Variants in PLA2G4B observed in about 807,000 individuals in gnomAD.
PLA2G4B encodes the protein phospholipase A2 group IVB.
In PLA2G4B, 122 loss-of-function variants were observed where a neutral mutation model predicts 95.8. The ratio of observed to expected loss-of-function variants is 1.27; its 90% confidence interval spans 1.10 to 1.48. The LOEUF (loss-of-function observed/expected upper bound fraction) is 1.48, where lower values mean the gene tolerates loss of function less well. PLA2G4B is among the 40% of genes most tolerant of loss of function. The pLI, the probability that PLA2G4B is intolerant of heterozygous loss-of-function variation, is 0.00. For missense variants in PLA2G4B, 1,158 were observed against 996.2 expected, an observed-to-expected ratio of 1.16 and a Z score of -2.19; for synonymous variants, 518 against 421.5, an observed-to-expected ratio of 1.23 and a Z score of -2.80.
chr15:41,845,907 G>A, intron 15 of PLA2G4B, 36 bp from the exon 16 acceptor site: 1 of 1,515,508 alleles, frequency 6.6e-7, no homozygotes, highest in South Asian at 1.3e-5. Flanking sequence ...TGGGACAAGA[G>A]TCGGGGGCCC....
rs775002558 is a variant in PLA2G4B at position 41,840,530 on chromosome 15, C to G, written c.89C>G (p.Pro30Arg). 1.9e-6 allele frequency: 3 copies of G among 1,613,784 alleles called. No homozygotes were observed. The highest frequency in any genetic ancestry group is 2.2e-5 in the East Asian group (1 of 44,880). ...HRLPSKDLVTPSDCYVTLWLP... is the reference protein window; with the variant it reads ...HRLPSKDLVTRSDCYVTLWLP... Reference sequence around the variant, plus strand: ...CACTTGTTCCTTCCCGCAGTGACCCCCTCTGACTGCTACGTGACTCTCTGG... The same window carrying G: ...CACTTGTTCCTTCCCGCAGTGACCCGCTCTGACTGCTACGTGACTCTCTGG... Residue 30 changes from proline to arginine, a missense_variant, in exon 3 of 20, where the codon CCC becomes CGC. Pro to Arg is a moderately radical substitution (Grantham distance 103). Transcript: ENST00000458483.
In PLA2G4B at chr15:41,847,739, G is replaced by T; in HGVS notation, c.2225G>T (p.Ser742Ile). 1 of 1,613,758 alleles carries T rather than the reference G, an allele frequency of 6.2e-7. No individual in the cohort carries two copies. Among genetic ancestry groups the T allele is most frequent in the Non-Finnish European group, 8.5e-7 (1 of 1,180,048 alleles). The change falls in exon 20 of 20, where the codon AGC becomes ATC. Residue 742 changes from serine (S) to isoleucine (I), a missense_variant. By Grantham distance (142) the Ser-to-Ile change is moderately radical (BLOSUM62 -2). Transcript: ENST00000458483. ...TACCACTACACGAAGGTGACCTACA[G>T]CCAGGAGGACGTGGACAAGCTGCTG... ...SPYHYTKVTY[S>I]QEDVDKLLHL...
chr15:41,841,566 A>C lies in PLA2G4B; in HGVS notation c.485A>C (p.Gln162Pro), dbSNP rs775640481. The C allele has an allele frequency of 6.2e-7, 1 of 1,614,024 alleles. No homozygotes were observed. Among genetic ancestry groups the C allele is most frequent in the Non-Finnish European group, 8.5e-7 (1 of 1,179,986 alleles). The change falls in exon 7 of 20, where the codon CAG becomes CCG. Residue 162 changes from glutamine (Q) to proline (P), a missense_variant. By Grantham distance (76) the Gln-to-Pro change is moderately conservative. Transcript: ENST00000458483. ...LHVQLEETGD[Q>P]KSSEHRVQLV... ...GTTCAACTGGAGGAGACAGGAGACC[A>C]GAAGTGTGAGTCCCCAACCCACTGG...
intron 11 of PLA2G4B, among the ~76,000 whole-genome samples, chr15:41,844,159 G>A (rs980753367): frequency 6.6e-6 from 1 of 152,190 alleles, no homozygotes; most frequent in Non-Finnish European, 1.5e-5. Flanking sequence ...GGGGAGTGAT[G>A]GCAATTTGGG....
At chr15:41,841,488 G>C (rs1000200930) in intron 6 of PLA2G4B, 29 bp from the exon 7 acceptor site, 1 of 1,614,000 alleles carries the variant, frequency 6.2e-7, no homozygotes, top group Non-Finnish European at 8.5e-7. Context: ...GGTGGGGTTA[G>C]TGTCTGAGGG....
intron 16 of PLA2G4B, 24 bp from the exon 17 acceptor site, chr15:41,846,179 A>C (rs1001355946): frequency 2.5e-6 from 4 of 1,603,598 alleles, no homozygotes; most frequent in Admixed American, 1.7e-5. Flanking sequence ...AGGAGTCCCC[A>C]TTTCCCCCAC....
Position 41,847,734 on chromosome 15 carries a change from C to T in PLA2G4B, c.2220C>T (p.Thr740=). The change falls in exon 20 of 20, where the codon ACC becomes ACT. Residue 740 remains threonine (T), a synonymous_variant. Transcript: ENST00000458483. ...CTCCCTACCACTACACGAAGGTGAC[C>T]TACAGCCAGGAGGACGTGGACAAGC... The part of the protein sequence containing the change: ...SDSPYHYTKV[T]YSQEDVDKLL... The T allele has an allele frequency of 6.2e-7, 1 of 1,611,756 alleles. No individual in the cohort carries two copies. The highest frequency in any genetic ancestry group is 8.5e-7 in the Non-Finnish European group (1 of 1,180,032).
rs1045346454 is a variant in PLA2G4B at position 41,843,729 on chromosome 15, C to T, written c.797C>T (p.Ala266Val). The T allele has an allele frequency of 3.1e-6, 5 of 1,614,058 alleles. No individual in the cohort carries two copies. Among genetic ancestry groups the T allele is most frequent in the Non-Finnish European group, 4.2e-6 (5 of 1,180,006 alleles). ...TTCGGGCCCTGTGCAGAGGAGCAGG[C>T]CTTCCTGAGCAGGAGGAAGCAGGTG... is the stretch of plus-strand genomic sequence containing the variant. ...LGFGPCAEEQ[A>V]FLSRRKQVVA... Residue 266 changes from alanine to valine, a missense_variant, in exon 11 of 20, where the codon GCC (alanine) becomes GTC (valine). By Grantham distance (64) the Ala-to-Val change is moderately conservative. Coordinates refer to ENST00000458483, the MANE Select transcript of PLA2G4B (RefSeq NM_001114633.2).
Position 41,845,112 on chromosome 15 carries a change from TGGAGCTGGGGCTC to T in PLA2G4B, c.1239+45_1239+57del, listed in dbSNP as rs778404410. The T allele has an allele frequency of 8.1e-6, 13 of 1,601,672 alleles. No individual in the cohort carries two copies. In the South Asian group the frequency reaches 1.4e-4, roughly 18 times the overall value. On this transcript the variant is annotated intron_variant, in intron 13 of 19. Coordinates refer to ENST00000458483, the MANE Select transcript of PLA2G4B (RefSeq NM_001114633.2). ...CTGGGGGCAGAGCCAGGGCAAGGGC[TGGAGCTGGGGCTC>T]GGTGCTGGACAGCAGGGTGGGAAAG...
In PLA2G4B at chr15:41,847,617, G is replaced by A. The variant is rs890515068; in HGVS notation, c.2135-32G>A. On this transcript the variant is annotated intron_variant, in intron 19 of 19. Transcript: ENST00000458483. Reference sequence around the variant, plus strand: ...TCCAAACCTGTCTTCCCCACAACGTGTTCCCCATGCCAGGCTGCACTCTCT... The same window carrying A: ...TCCAAACCTGTCTTCCCCACAACGTATTCCCCATGCCAGGCTGCACTCTCT... The A allele has an allele frequency of 3.1e-6, 5 of 1,613,060 alleles. No individual in the cohort carries two copies. The African/African-American group carries it at 5.3e-5, about 17-fold the overall frequency.
At chr15:41,846,627 C>T (rs2140898447) in intron 17 of PLA2G4B, 42 bp from the exon 18 acceptor site, 3 of 1,567,510 alleles carry the variant, frequency 1.9e-6, no homozygotes, top group Non-Finnish European at 1.7e-6. Flanking sequence ...AATCTGGTAC[C>T]CTTGGTATCT....
At chr15:41,840,711 C>A in intron 3 of PLA2G4B, 51 bp downstream of exon 3, 1 of 1,606,028 alleles carries the variant, frequency 6.2e-7, no homozygotes, top group South Asian at 1.1e-5. Flanking sequence ...CAGCCACTGC[C>A]GCTGCCCTGC....
At chr15:41,843,081 CTT>C (rs11415282) in intron 10 of PLA2G4B, 121 of 131,162 alleles carry the variant, frequency 9.2e-4, no homozygotes, top group African/African-American at 2.0e-3. Context: ...GCCCCCTGCC[CTT>C]TTTTTTTTTT....
In PLA2G4B at chr15:41,845,278, C is replaced by T. The variant is rs1278432705; in HGVS notation, c.1315C>T (p.Leu439Phe). 2 of 1,614,066 alleles carry T rather than the reference C, an allele frequency of 1.2e-6. No individual in the cohort carries two copies. The highest frequency in any genetic ancestry group is 1.7e-5 in the Admixed American group (1 of 60,004). Residue 439 changes from leucine (L) to phenylalanine (F), a missense_variant, in exon 14 of 20, where the codon CTC becomes TTC. Leu to Phe is a conservative substitution (Grantham distance 22). Transcript: ENST00000458483. ...GQNPLPIYCA[L>F]NTKGQSLTTF... ...GAACCCTCTGCCCATCTACTGTGCC[C>T]TCAACACCAAAGGGCAGAGCCTGAC...
rs1311835918 is a variant in PLA2G4B at position 41,847,680 on chromosome 15, T to C, written c.2166T>C (p.Ala722=). The stretch of plus-strand genomic sequence containing the variant: ...GGCGGACACCCGAGGAGGCGGCAGC[T>C]GGGGAGGTGAACCTGTCTTCATCGG... The part of the protein sequence containing the change: ...GVRRTPEEAA[A]GEVNLSSSDS... Residue 722 remains alanine, a synonymous_variant, in exon 20 of 20, where the codon GCT becomes GCC. Transcript: ENST00000458483. 1.2e-6 allele frequency: 2 copies of C among 1,613,588 alleles called. No individual in the cohort carries two copies. The highest frequency in any genetic ancestry group is 2.2e-5 in the South Asian group (2 of 91,084).
chr15:41,846,472 G>T, intron 17 of PLA2G4B, 90 bp downstream of exon 17: 2 of 1,530,668 alleles, frequency 1.3e-6, no homozygotes, highest in Non-Finnish European at 1.8e-6. Flanking sequence ...CCATTCTCCT[G>T]CTTTGAGCTT....
At position 41,840,594 on chromosome 15, in the gene PLA2G4B, G is replaced by T. The variant is rs373743773; in HGVS notation, c.153G>T (p.Thr51=). Residue 51 remains threonine, a synonymous_variant, in exon 3 of 20, where the codon ACG becomes ACT. Transcript: ENST00000458483. ...TACSHRLQTR[T]VKNSSSPVWN... is the part of the protein sequence containing the mutation. ...GCAGCCACAGGCTCCAGACACGCAC[G>T]GTCAAGAACAGCAGTAGCCCTGTCT... The T allele has an allele frequency of 3.1e-6, 5 of 1,613,818 alleles. No homozygotes were observed. The highest frequency in any genetic ancestry group is 4.2e-6 in the Non-Finnish European group (5 of 1,180,016).
At chr15:41,841,736 G>T (rs2065435216) in intron 7 of PLA2G4B, 83 bp from the exon 8 acceptor site, 3 of 1,579,366 alleles carry the variant, frequency 1.9e-6, no homozygotes, top group South Asian at 2.3e-5. Flanking sequence ...GGAGAGGGAG[G>T]TGCCCTCCAG....
rs756226878 is a variant in PLA2G4B, at chr15:41,842,213, A to G, written c.642A>G (p.Leu214=). ...IRLQDAPEEQ[L]KAPLSALPSG... Reference sequence around the variant, plus strand: ...TGCAGGATGCCCCCGAGGAGCAACTAAAGGCGCCACTGAGTGCCCTGCCCT... The same window carrying G: ...TGCAGGATGCCCCCGAGGAGCAACTGAAGGCGCCACTGAGTGCCCTGCCCT... The change falls in exon 9 of 20, where the codon CTA becomes CTG. Residue 214 remains leucine, a synonymous_variant. Transcript: ENST00000458483. The G allele has an allele frequency of 2.5e-6, 4 of 1,614,078 alleles. No individual in the cohort carries two copies. The highest frequency in any genetic ancestry group is 3.4e-6 in the Non-Finnish European group (4 of 1,179,978).
Sources: allele counts gnomAD v4.1 joint callset (sites outside exome capture counted in the v4.1 genomes callset), GRCh38; gene constraint gnomAD v4.1.1; transcripts MANE v1.5; gene names NCBI Gene and HGNC (gene_info 2026-07-23, HGNC 2026-07-21).